BEAN1: variants seen among roughly 807,000 people sequenced by gnomAD.
The protein encoded by BEAN1 is brain expressed associated with NEDD4 1.
A neutral mutation model predicts 17.7 loss-of-function variants in BEAN1; 17 were observed. The observed-to-expected ratio is 0.96, with a 90% CI of 0.66 to 1.44. BEAN1 has a LOEUF of 1.44. BEAN1 is among the 40% of genes most tolerant of loss of function. The pLI is 0.00. For missense variants in BEAN1, 359 were observed against 374.1 expected, an observed-to-expected ratio of 0.96 and a Z score of 0.33; for synonymous variants, 142 against 151.8, an observed-to-expected ratio of 0.94 and a Z score of 0.47.
intron 2 of BEAN1, among the ~76,000 whole-genome samples, chr16:66,445,774 C>T (rs562640747): frequency 1.3e-5 from 2 of 152,184 alleles, no homozygotes; most frequent in African/African-American, 4.8e-5. Context: ...AGGACTTTGG[C>T]ATCTAATCAA....
intron 2 of BEAN1, among the ~76,000 whole-genome samples, chr16:66,454,992 T>C (rs1199224851): frequency 2.0e-5 from 3 of 152,166 alleles, no homozygotes; most frequent in African/African-American, 4.8e-5. Context: ...TTTTTCATAC[T>C]AAGTGCTTCT....
intron 3 of BEAN1, among the ~76,000 whole-genome samples, chr16:66,474,582 G>GAGGGAGGGAGGA (rs1963630484): frequency 1.0e-4 from 2 of 20,094 alleles, no homozygotes; most frequent in Non-Finnish European, 1.1e-4. Flanking sequence ...GGGAGGGAGA[G>GAGGGAGGGAGGA]AGGGAGGGAG....
intron 1 of BEAN1, among the ~76,000 whole-genome samples, chr16:66,433,683 T>A (rs1235914760): frequency 6.6e-6 from 1 of 152,338 alleles, no homozygotes; most frequent in South Asian, 2.1e-4. Flanking sequence ...CATCTGTGAA[T>A]TGGGGATTTG....
chr16:66,480,685 C>T lies in BEAN1; in HGVS notation c.540C>T (p.Gly180=), dbSNP rs1474890679. Residue 180 remains glycine, a synonymous_variant, in exon 5 of 5, where the codon GGC becomes GGT. Coordinates refer to ENST00000536005, the MANE Select transcript of BEAN1 (RefSeq NM_001178020.3). ...CTGATTCCTGCCCCACGCTGGATGG[C>T]ACCTCCGACTCAGGCAGCGGCCACA... The part of the protein sequence containing the change: ...SLTDSCPTLD[G]TSDSGSGHSP... 2 of 1,551,566 alleles carry T rather than the reference C, an allele frequency of 1.3e-6. No individual in the cohort carries two copies. The highest frequency in any genetic ancestry group is 1.7e-6 in the Non-Finnish European group (2 of 1,146,984).
In BEAN1 at chr16:66,467,442, C is replaced by G. The variant is rs145019732; in HGVS notation, c.26-2160C>G. On this transcript the variant is annotated intron_variant, in intron 2 of 4. Coordinates refer to ENST00000536005, the MANE Select transcript of BEAN1 (RefSeq NM_001178020.3). ...AGAATGAGTACAAGCAGGGGAAATG[C>G]CAGACACTTACAAAACCATCAGATC... is the stretch of plus-strand genomic sequence containing the variant. Among the ~76,000 whole-genome samples the G allele has an allele frequency of 3.8e-3, 577 of 152,220 alleles. 13 individuals are homozygous for G. The highest frequency in any genetic ancestry group is 0.03 in the Admixed American group (461 of 15,284).
At chr16:66,439,797 C>A (rs1451951281) in intron 2 of BEAN1, among the ~76,000 whole-genome samples, 1 of 152,218 alleles carries the variant, frequency 6.6e-6, no homozygotes, top group East Asian at 1.9e-4. Flanking sequence ...AAGCCCCTGA[C>A]TCTGCCACCA....
intron 1 of BEAN1, among the ~76,000 whole-genome samples, chr16:66,436,148 A>C (rs1269291014): frequency 1.3e-5 from 2 of 151,474 alleles, no homozygotes; most frequent in Non-Finnish European, 2.9e-5. Context: ...AAGTGACCAC[A>C]CTCCCTAGAA....
Position 66,471,455 on chromosome 16 carries a change from C to T in BEAN1, c.289+1590C>T, listed in dbSNP as rs1023784600. ...TGCCCAGGAAGGGAGCTGGAGGTGTCGGGGAGACGCCCCTGGGAGCCGCCC... is the reference window on the plus strand; with the variant it reads ...TGCCCAGGAAGGGAGCTGGAGGTGTTGGGGAGACGCCCCTGGGAGCCGCCC... On this transcript the variant is annotated intron_variant, in intron 3 of 4. Coordinates refer to ENST00000536005, the MANE Select transcript of BEAN1 (RefSeq NM_001178020.3). This position sits in a 1 kb window ranked among gnomAD's most constrained non-coding sequence, Gnocchi z 4.7. Among the ~76,000 whole-genome samples the T allele has an allele frequency of 3.9e-5, 6 of 152,210 alleles. No individual in the cohort carries two copies. The East Asian group carries it at 7.7e-4, about 20-fold the overall frequency.
chr16:66,479,895 C>T (rs888526175), intron 4 of BEAN1, among the ~76,000 whole-genome samples: 1 of 152,146 alleles, frequency 6.6e-6, no homozygotes, highest in Non-Finnish European at 1.5e-5. Context: ...AGCCCCCTCC[C>T]CATGGGGAGC....
chr16:66,437,566 C>T (rs1182596030), intron 1 of BEAN1, 29 bp from the exon 2 acceptor site: 8 of 1,340,956 alleles, frequency 6.0e-6, no homozygotes, highest in African/African-American at 4.4e-5. Flanking sequence ...CATGGGCCCC[C>T]CAACACCTGC....
chr16:66,493,891 C>T (rs1459384352), downstream of BEAN1, among the ~76,000 whole-genome samples: 11 of 152,238 alleles, frequency 7.2e-5, no homozygotes, highest in African/African-American at 1.7e-4. Context: ...AGGCATCCCA[C>T]GCCCTGAGGT....
intron 2 of BEAN1, among the ~76,000 whole-genome samples, chr16:66,454,729 C>CTTTTTTTTT (rs538469751): frequency 2.2e-3 from 180 of 83,580 alleles, no homozygotes; most frequent in African/African-American, 3.0e-3. Context: ...TTCTTTCTTT[C>CTTTTTTTTT]TTTTTTTTTT....
chr16:66,478,516 C>G (rs1014216342), intron 4 of BEAN1, among the ~76,000 whole-genome samples: 6 of 152,120 alleles, frequency 3.9e-5, no homozygotes, highest in Admixed American at 3.9e-4. Context: ...GCAGGAGAAT[C>G]GCTTGAACCC....
chr16:66,445,370 G>A (rs1962407048), intron 2 of BEAN1, among the ~76,000 whole-genome samples: 1 of 151,304 alleles, frequency 6.6e-6, no homozygotes, highest in Admixed American at 6.6e-5. Flanking sequence ...CAGCTACTCA[G>A]GAGGCTGAGG....
chr16:66,479,675 T>G lies in BEAN1; in HGVS notation c.441-911T>G, dbSNP rs143081315. ...CACCTGTAGCCACTGAGGCAGAGAC[T>G]GGCCTTAGGGATCAAGACGGGTTCC... On this transcript the variant is annotated intron_variant, in intron 4 of 4. Coordinates refer to ENST00000536005, the MANE Select transcript of BEAN1 (RefSeq NM_001178020.3). Among the ~76,000 whole-genome samples, 1,036 of 152,216 alleles carry G rather than the reference T, an allele frequency of 6.8e-3. 6 individuals are homozygous for G. The highest frequency in any genetic ancestry group is 0.023 in the African/African-American group (975 of 41,534).
intron 2 of BEAN1, among the ~76,000 whole-genome samples, chr16:66,444,011 A>G (rs546430349): frequency 6.6e-6 from 1 of 152,308 alleles, no homozygotes; most frequent in East Asian, 1.9e-4. Context: ...ATCATATCAT[A>G]TTCAGGTCTC....
At chr16:66,452,478 G>C (rs996433683) in intron 2 of BEAN1, among the ~76,000 whole-genome samples, 1 of 152,192 alleles carries the variant, frequency 6.6e-6, no homozygotes, top group African/African-American at 2.4e-5. Context: ...GCAGCATGGT[G>C]AACAGTGAAG....
In BEAN1 at chr16:66,432,339, T is replaced by A. The variant is rs549510434; in HGVS notation, c.-83+4908T>A. On this transcript the variant is annotated intron_variant, in intron 1 of 4. Coordinates refer to ENST00000536005, the MANE Select transcript of BEAN1 (RefSeq NM_001178020.3). ...GTTACTAGCTGGGTTTCACCTCACA[T>A]GAAGACCTTCCTGGGACAGGAGAAA... Among the ~76,000 whole-genome samples the A allele has an allele frequency of 3.9e-5, 6 of 152,338 alleles. No homozygotes were observed. The South Asian group carries it at 1.2e-3, about 32-fold the overall frequency.
At chr16:66,463,385 C>T (rs1234239146) in intron 2 of BEAN1, among the ~76,000 whole-genome samples, 1 of 152,184 alleles carries the variant, frequency 6.6e-6, no homozygotes, top group Non-Finnish European at 1.5e-5. Context: ...TTGCATTTCT[C>T]TGATGGTTAA....
Sources: gnomAD v4.1 joint callset for allele counts (sites outside exome capture counted in the v4.1 genomes callset) on GRCh38, gnomAD v4.1.1 for gene constraint, Gnocchi (gnomAD v3.1) non-coding constraint, MANE v1.5 for transcripts, NCBI Gene and HGNC (gene_info 2026-07-23, HGNC 2026-07-21) for gene names.